PTGR1: variants seen among roughly 807,000 people sequenced by gnomAD.
PTGR1 encodes prostaglandin reductase 1, also known as 15-oxoprostaglandin 13-reductase.
Under a neutral mutation model 37.7 loss-of-function variants are expected in PTGR1, and 23 were observed. That is an observed-to-expected ratio of 0.61 (90% CI 0.44 to 0.86). The LOEUF is 0.86. PTGR1 is among the 40% of genes least tolerant of loss of function. PTGR1 has a pLI of 0.00. For synonymous variants in PTGR1, 134 were observed against 140.0 expected (o/e 0.96, Z 0.30); for missense variants, 351 against 394.3 (o/e 0.89, Z 0.93).
At chr9:111,586,497 C>T (rs1386641921) in intron 4 of PTGR1, among the ~76,000 whole-genome samples, 1 of 152,148 alleles carries the variant, frequency 6.6e-6, no homozygotes, top group Admixed American at 6.5e-5. Context: ...GTGTCGCTCT[C>T]TTTCCCTTAG....
intron 6 of PTGR1, among the ~76,000 whole-genome samples, chr9:111,582,094 A>G (rs994581921): frequency 6.6e-6 from 1 of 152,190 alleles, no homozygotes; most frequent in Non-Finnish European, 1.5e-5. Context: ...GAACAAAGAA[A>G]ATATCACAGA....
chr9:111,563,403 CAGTACATGTA>C, intron 9 of PTGR1, 172 bp from the exon 10 acceptor site: 1 of 574,316 alleles, frequency 1.7e-6, no homozygotes, highest in Non-Finnish European at 3.0e-6. Context: ...TCCACTTACA[CAGTACATGTA>C]AAAAAGATTA....
At chr9:111,588,153 C>G (rs1371371964) in intron 4 of PTGR1, among the ~76,000 whole-genome samples, 1 of 151,086 alleles carries the variant, frequency 6.6e-6, no homozygotes, top group Non-Finnish European at 1.5e-5. Flanking sequence ...GTAGCTGGGA[C>G]CGAGTAGCTG....
intron 8 of PTGR1, among the ~76,000 whole-genome samples, chr9:111,572,018 C>T (rs534020725): frequency 1.3e-5 from 2 of 152,276 alleles, no homozygotes; most frequent in Admixed American, 6.5e-5. Flanking sequence ...AGAATGACAC[C>T]TCAGCATAGG....
At chr9:111,557,216 A>G (rs976432972) in intron 9 of PTGR1, among the ~76,000 whole-genome samples, 2 of 151,942 alleles carry the variant, frequency 1.3e-5, no homozygotes, top group Non-Finnish European at 2.9e-5. Context: ...TCTACTAAAA[A>G]TCCAAAAATT....
intron 9 of PTGR1, among the ~76,000 whole-genome samples, chr9:111,554,672 C>T (rs370818359): frequency 2.0e-5 from 3 of 152,210 alleles, no homozygotes; most frequent in East Asian, 1.9e-4. Context: ...CTAGGAGGCA[C>T]GGAGCAGGAT....
chr9:111,596,216 T>C (rs1337289435), intron 2 of PTGR1, among the ~76,000 whole-genome samples: 1 of 152,160 alleles, frequency 6.6e-6, no homozygotes, highest in Non-Finnish European at 1.5e-5. Flanking sequence ...CCTTGCCACT[T>C]CTCCCATCAA....
At chr9:111,588,465 T>A (rs879880454) in intron 4 of PTGR1, among the ~76,000 whole-genome samples, 4 of 152,118 alleles carry the variant, frequency 2.6e-5, no homozygotes, top group Middle Eastern at 3.4e-3. Flanking sequence ...CTCCTGACCT[T>A]GTGATCTGCC....
At chr9:111,549,740 T>C (rs923791201) in exon 10 of PTGR1, 1 of 1,550,852 alleles carries the variant, frequency 6.4e-7, no homozygotes. Context: ...TGGTGAATGA[T>C]ACATATTCCC....
chr9:111,563,223 G>A lies in PTGR1; in HGVS notation c.888C>T (p.Ile296=), dbSNP rs774763628. The change falls in exon 10 of 10, where the codon ATC becomes ATT. Residue 296 remains isoleucine (I), a synonymous_variant. Transcript: ENST00000407693. The stretch of plus-strand genomic sequence containing the variant: ...CTTCAATGATATATTCCTTGTACTG[G>A]ATTTTACCCTGTATCAAAGCAACAA... ...DLLKWVLEGK[I]QYKEYIIEGF... 3 of 1,611,882 alleles carry A rather than the reference G, an allele frequency of 1.9e-6. No individual in the cohort carries two copies. The Admixed American group carries it at 5.0e-5, about 27-fold the overall frequency.
intron 9 of PTGR1, among the ~76,000 whole-genome samples, chr9:111,550,175 G>A (rs1479549622): frequency 6.6e-6 from 1 of 152,104 alleles, no homozygotes; most frequent in South Asian, 2.1e-4. Context: ...CAGAGCCTGC[G>A]TTTTTCCCTG....
At chr9:111,576,228 G>GA (rs1829048222) in intron 7 of PTGR1, 2 of 817,054 alleles carry the variant, frequency 2.4e-6, no homozygotes, top group African/African-American at 3.5e-5. Context: ...CACTGAATAG[G>GA]AAAAAATATT....
At chr9:111,583,099 G>A (rs1329640656) in intron 6 of PTGR1, among the ~76,000 whole-genome samples, 2 of 152,208 alleles carry the variant, frequency 1.3e-5, no homozygotes, top group Admixed American at 6.5e-5. Context: ...TTGGCAGTGG[G>A]GCCACGTGGG....
chr9:111,574,696 C>T (rs1216311922), intron 8 of PTGR1, 38 bp downstream of exon 8: 2 of 1,463,558 alleles, frequency 1.4e-6, no homozygotes, highest in East Asian at 2.3e-5. Context: ...CCTTGTCCAG[C>T]CTTGTGACAT....
At chr9:111,574,991 GAA>G (rs1282951506) in intron 7 of PTGR1, 149 bp from the exon 8 acceptor site, 1 of 616,870 alleles carries the variant, frequency 1.6e-6, no homozygotes, top group Non-Finnish European at 2.7e-6. Flanking sequence ...ACTGCAGTTA[GAA>G]AAAGACATTA....
At chr9:111,561,818 C>G (rs999853908), downstream of PTGR1, among the ~76,000 whole-genome samples, 1 of 151,938 alleles carries the variant, frequency 6.6e-6, no homozygotes, top group Admixed American at 6.6e-5. Flanking sequence ...TCACTGATAT[C>G]GGCAGGGAGG....
At chr9:111,567,710 G>T (rs1398236081) in intron 9 of PTGR1, among the ~76,000 whole-genome samples, 1 of 152,186 alleles carries the variant, frequency 6.6e-6, no homozygotes, top group Non-Finnish European at 1.5e-5. Context: ...AGAACGGCAG[G>T]ATTTGATTTG....
chr9:111,597,118 TC>T (rs928566510), intron 2 of PTGR1, among the ~76,000 whole-genome samples, 198 bp downstream of exon 2: 3 of 151,994 alleles, frequency 2.0e-5, no homozygotes, highest in African/African-American at 7.2e-5. Flanking sequence ...GCAAGGCCCA[TC>T]CTAAATTAAC....
chr9:111,586,963 CACA>C (rs1406287253), intron 4 of PTGR1, among the ~76,000 whole-genome samples: 1 of 151,632 alleles, frequency 6.6e-6, no homozygotes, highest in Non-Finnish European at 1.5e-5. Context: ...AGGCGCCCAC[CACA>C]ACAACACCAG....
Sources: gnomAD v4.1 joint callset for allele counts (sites outside exome capture counted in the v4.1 genomes callset) on GRCh38, gnomAD v4.1.1 for gene constraint, MANE v1.5 for transcripts, NCBI Gene and HGNC (gene_info 2026-07-23, HGNC 2026-07-21) for gene names.